Variants in DTNA observed in about 807,000 individuals in gnomAD.
DTNA encodes dystrobrevin alpha, also known as dystrophin-related protein 3.
DTNA carries 43 observed loss-of-function variants against 100.7 expected under a neutral mutation model. The observed-to-expected ratio is 0.43, with a 90% CI of 0.33 to 0.55. The LOEUF is 0.55. DTNA is among the 20% of genes least tolerant of loss of function. DTNA has a pLI of 0.04. For synonymous variants in DTNA, 349 were observed against 347.9 expected (o/e 1.00, Z -0.04); for missense variants, 798 against 953.9 (o/e 0.84, Z 2.15).
chr18:34,729,838 C>A lies in DTNA; in HGVS notation c.-2+19393C>A, dbSNP rs563244523. 8.2e-4 allele frequency among the ~76,000 whole-genome samples: 124 copies of A among 151,150 alleles called. 1 individual carries two copies. The highest frequency in any genetic ancestry group is 2.8e-3 in the African/African-American group (115 of 41,036). On this transcript the variant is annotated intron_variant, in intron 1 of 22. Coordinates refer to ENST00000444659, the MANE Select transcript of DTNA (RefSeq NM_001386795.1). Reference sequence around the variant, plus strand: ...AGATCTGGCAGTTCCCCAACCAAAGCAGACAATCTGAAAGAAACCTAAGGT... The same window carrying A: ...AGATCTGGCAGTTCCCCAACCAAAGAAGACAATCTGAAAGAAACCTAAGGT...
intron 1 of DTNA, among the ~76,000 whole-genome samples, chr18:34,597,202 G>A (rs1364521046): frequency 1.3e-5 from 2 of 151,994 alleles, no homozygotes; most frequent in Non-Finnish European, 1.5e-5. Flanking sequence ...TTATGGCTGT[G>A]CAGTATTATT....
chr18:34,693,981 T>TTG (rs1213340963), intron 1 of DTNA, among the ~76,000 whole-genome samples: 2 of 152,212 alleles, frequency 1.3e-5, no homozygotes, highest in Admixed American at 6.5e-5. Flanking sequence ...TACAGGTATA[T>TTG]GTCTTTGGTC....
chr18:34,832,173 C>A (rs1013462678), intron 11 of DTNA, among the ~76,000 whole-genome samples: 2 of 152,122 alleles, frequency 1.3e-5, no homozygotes, highest in Non-Finnish European at 2.9e-5. Flanking sequence ...GATTAATGCC[C>A]ATCCATTTTC....
At chr18:34,849,828 G>A (rs182441528) in intron 14 of DTNA, among the ~76,000 whole-genome samples, 2 of 152,358 alleles carry the variant, frequency 1.3e-5, no homozygotes, top group East Asian at 3.9e-4. Flanking sequence ...CAAGTGTGTG[G>A]CACTTTGCCA....
chr18:34,713,194 A>C (rs1304391620), intron 1 of DTNA, among the ~76,000 whole-genome samples: 2 of 152,146 alleles, frequency 1.3e-5, no homozygotes. Context: ...AATTTGGAGA[A>C]TAAGATAGAT....
chr18:34,582,020 T>C (rs2048701235), intron 1 of DTNA, among the ~76,000 whole-genome samples: 1 of 152,178 alleles, frequency 6.6e-6, no homozygotes, highest in Admixed American at 6.5e-5. Context: ...AACTTATAAA[T>C]TATTAAACCA....
At chr18:34,670,126 C>A (rs1427143035) in intron 1 of DTNA, among the ~76,000 whole-genome samples, 15 of 152,152 alleles carry the variant, frequency 9.9e-5, no homozygotes, top group Admixed American at 9.8e-4. Flanking sequence ...TTGTTCATTT[C>A]TTTTTATGCT....
intron 17 of DTNA, chr18:34,866,037 T>A: frequency 6.4e-7 from 1 of 1,552,820 alleles, no homozygotes; most frequent in Non-Finnish European, 8.9e-7. Context: ...CCATCTTGCG[T>A]TCCTTCACAC....
chr18:34,854,659 C>A (rs1027409597), intron 15 of DTNA, among the ~76,000 whole-genome samples: 6 of 152,210 alleles, frequency 3.9e-5, no homozygotes, highest in Non-Finnish European at 7.3e-5. Context: ...TACCAGACAT[C>A]ATTCCATAAT....
chr18:34,677,059 A>G (rs1029604581), intron 1 of DTNA, among the ~76,000 whole-genome samples: 2 of 152,196 alleles, frequency 1.3e-5, no homozygotes, highest in African/African-American at 4.8e-5. Flanking sequence ...CATGCAGGAT[A>G]GAAGCCAAGA....
intron 1 of DTNA, among the ~76,000 whole-genome samples, chr18:34,545,223 C>A (rs75387113): frequency 0.027 from 4,119 of 152,082 alleles, 74 homozygotes; most frequent in Middle Eastern, 0.058. Flanking sequence ...ATGGTAGTGA[C>A]GTGAGATGCC....
intron 1 of DTNA, among the ~76,000 whole-genome samples, chr18:34,654,880 C>T (rs2074134805): frequency 6.6e-6 from 1 of 152,078 alleles, no homozygotes; most frequent in African/African-American, 2.4e-5. Context: ...GTGTGTGCCA[C>T]CACACCCAGC....
At chr18:34,737,887 A>G (rs1423944630) in intron 1 of DTNA, 2 of 152,214 alleles carry the variant, frequency 1.3e-5, no homozygotes, top group Non-Finnish European at 2.9e-5. Flanking sequence ...AGTCCTATGA[A>G]TAAAACAGAC....
chr18:34,778,878 C>T (rs147221785), intron 3 of DTNA, among the ~76,000 whole-genome samples: 2,505 of 152,058 alleles, frequency 0.016, 76 homozygotes, highest in African/African-American at 0.056. Context: ...AGTGCAGTGG[C>T]GTGATCTCGG....
At chr18:34,822,980 T>C (rs927625976) in intron 9 of DTNA, among the ~76,000 whole-genome samples, 2 of 152,232 alleles carry the variant, frequency 1.3e-5, no homozygotes, top group Non-Finnish European at 2.9e-5. Context: ...TACAAGATAT[T>C]TAATTGTTGA....
chr18:34,557,448 G>T (rs532797716), intron 1 of DTNA, among the ~76,000 whole-genome samples: 1 of 152,036 alleles, frequency 6.6e-6, no homozygotes, highest in Non-Finnish European at 1.5e-5. Flanking sequence ...GGCGCTCTGC[G>T]TTTCAGAGTT....
At chr18:34,502,631 T>A (rs920643737) in intron 1 of DTNA, among the ~76,000 whole-genome samples, 3 of 152,234 alleles carry the variant, frequency 2.0e-5, no homozygotes, top group African/African-American at 4.8e-5. Flanking sequence ...ATATTTAGAA[T>A]TAGAGTGTTC....
chr18:34,765,829 A>C, intron 2 of DTNA, 132 bp from the exon 3 acceptor site: 2 of 894,416 alleles, frequency 2.2e-6, no homozygotes, highest in Non-Finnish European at 3.4e-6. Flanking sequence ...TCAAGTCTTA[A>C]AGTTATATTT....
At chr18:34,534,630 C>A (rs114323354) in intron 1 of DTNA, among the ~76,000 whole-genome samples, 2,506 of 152,080 alleles carry the variant, frequency 0.016, 55 homozygotes, top group African/African-American at 0.048. Context: ...TGTCCTAATG[C>A]TCTCCCTCCT....
Sources: allele counts gnomAD v4.1 joint callset (sites outside exome capture counted in the v4.1 genomes callset), GRCh38; gene constraint gnomAD v4.1.1; transcripts MANE v1.5; gene names NCBI Gene and HGNC (gene_info 2026-07-23, HGNC 2026-07-21).